The following KCNJ6 variants were observed in gnomAD, a reference collection of about 807,000 sequenced individuals.
KCNJ6 encodes potassium inwardly rectifying channel subfamily J member 6.
Under a neutral mutation model 34.2 loss-of-function variants are expected in KCNJ6, and 9 were observed. The observed-to-expected ratio is 0.26, with a 90% CI of 0.16 to 0.46. The LOEUF (loss-of-function observed/expected upper bound fraction) is 0.46, where lower values mean the gene tolerates loss of function less well. KCNJ6 is among the 20% of genes least tolerant of loss of function. The pLI is 1.00. For missense variants in KCNJ6, 236 were observed against 531.3 expected (o/e 0.44, Z 5.46); for synonymous variants, 196 against 207.1 (o/e 0.95, Z 0.46).
intron 2 of KCNJ6, among the ~76,000 whole-genome samples, chr21:37,809,605 G>A (rs993081384): frequency 1.3e-5 from 2 of 152,096 alleles, no homozygotes; most frequent in African/African-American, 4.8e-5. Context: ...GATGATGTAA[G>A]TTTGTTTGGA....
chr21:37,832,087 C>G (rs2055428847), intron 2 of KCNJ6, among the ~76,000 whole-genome samples: 2 of 151,854 alleles, frequency 1.3e-5, no homozygotes, highest in Non-Finnish European at 2.9e-5. Context: ...CTGCAGAGCT[C>G]ATTAGACAAT....
intron 1 of KCNJ6, among the ~76,000 whole-genome samples, chr21:37,861,881 C>T (rs866491441): frequency 6.6e-6 from 1 of 152,186 alleles, no homozygotes; most frequent in Non-Finnish European, 1.5e-5. Flanking sequence ...GGTGTTGATG[C>T]TGGGCCCCTG....
rs943155115 is a variant in KCNJ6, at chr21:37,608,239, C to T, written c.*16920G>A. On this transcript the variant is annotated 3_prime_UTR_variant, in exon 4 of 4. Coordinates refer to ENST00000609713, the MANE Select transcript of KCNJ6 (RefSeq NM_002240.5). Reference sequence around the variant, plus strand: ...TCCTAGGCTGGTCTAGGTACCATCCCCCAATCTTACCTTGTGTGTTTCTGT... The same window carrying T: ...TCCTAGGCTGGTCTAGGTACCATCCTCCAATCTTACCTTGTGTGTTTCTGT... 2.6e-5 allele frequency: 4 copies of T among 152,128 alleles called. No individual in the cohort carries two copies. Among genetic ancestry groups the T allele is most frequent in the African/African-American group, 9.7e-5 (4 of 41,406 alleles). The allele number at this position is 152,128 out of a possible 1,614,324, so 9.4% of individuals were successfully genotyped here. A position where few individuals can be genotyped will look rare whatever the true frequency, so the allele number is the denominator to read the frequency against.
intron 3 of KCNJ6, among the ~76,000 whole-genome samples, chr21:37,676,458 G>T (rs551158061): frequency 1.5e-4 from 23 of 152,384 alleles, no homozygotes; most frequent in African/African-American, 5.0e-4. Context: ...AAGCAATGAA[G>T]TGGACAGCCC....
At chr21:37,718,451 C>T (rs1252918829) in intron 2 of KCNJ6, among the ~76,000 whole-genome samples, 1 of 151,962 alleles carries the variant, frequency 6.6e-6, no homozygotes, top group Non-Finnish European at 1.5e-5. Flanking sequence ...AAAAGAAAGC[C>T]GAAGATGAAT....
chr21:37,791,718 A>G (rs1200244640), intron 2 of KCNJ6, among the ~76,000 whole-genome samples: 1 of 152,234 alleles, frequency 6.6e-6, no homozygotes, highest in Non-Finnish European at 1.5e-5. Context: ...TGAATAAAAT[A>G]TGCCTGCCAG....
At position 37,772,517 on chromosome 21, in the gene KCNJ6, A is replaced by G. The variant is rs79710373; in HGVS notation, c.26-57386T>C. The stretch of plus-strand genomic sequence containing the variant: ...ACTCTATAATTTTTCCAACAGTGAA[A>G]AAAGAAACTAAAGCAATGCTGTAAC... On this transcript the variant is annotated intron_variant, in intron 2 of 3. Transcript: ENST00000609713. Among the ~76,000 whole-genome samples, 613 of 152,340 alleles carry G rather than the reference A, an allele frequency of 4.0e-3. 6 individuals are homozygous for G. The highest frequency in any genetic ancestry group is 0.013 in the African/African-American group (539 of 41,588).
chr21:37,842,132 A>G (rs1347644284), intron 1 of KCNJ6, among the ~76,000 whole-genome samples: 2 of 152,178 alleles, frequency 1.3e-5, no homozygotes, highest in Non-Finnish European at 2.9e-5. Context: ...GTTATTTTAC[A>G]CTGTTGTCTT....
At chr21:37,843,883 C>T (rs532407191) in intron 1 of KCNJ6, among the ~76,000 whole-genome samples, 4 of 152,290 alleles carry the variant, frequency 2.6e-5, no homozygotes, top group Non-Finnish European at 5.9e-5. Context: ...AGTCCCAGTG[C>T]AGTGTTGAAG....
At chr21:37,698,750 G>A (rs1448898345) in intron 3 of KCNJ6, among the ~76,000 whole-genome samples, 2 of 151,060 alleles carry the variant, frequency 1.3e-5, no homozygotes, top group East Asian at 3.9e-4. Flanking sequence ...AGGATGGAGT[G>A]CAGTGGCACG....
chr21:37,747,425 G>A (rs1037735081), intron 2 of KCNJ6, among the ~76,000 whole-genome samples: 15 of 152,218 alleles, frequency 9.9e-5, no homozygotes, highest in African/African-American at 3.6e-4. Flanking sequence ...GCCTTACTAG[G>A]GAAAGGGAGG....
chr21:37,608,404 C>T lies in KCNJ6; in HGVS notation c.*16755G>A, dbSNP rs145644889. ...AATTCCTGGGCTCAAGCAATCCTCC[C>T]ACCTTGGCCTCTCAAAGTGCTGGAA... On this transcript the variant is annotated 3_prime_UTR_variant, in exon 4 of 4. Coordinates refer to ENST00000609713, the MANE Select transcript of KCNJ6 (RefSeq NM_002240.5). 6.6e-6 allele frequency: 1 copy of T among 152,354 alleles called. No homozygotes were observed. The highest frequency in any genetic ancestry group is 1.9e-4 in the East Asian group (1 of 5,178). 9.4% of individuals were successfully genotyped at this position (152,354 alleles called of 1,614,324 possible). A position where few individuals can be genotyped will look rare whatever the true frequency, so the allele number is the denominator to read the frequency against.
intron 3 of KCNJ6, among the ~76,000 whole-genome samples, chr21:37,667,366 C>A (rs2054520039): frequency 6.6e-6 from 1 of 152,076 alleles, no homozygotes; most frequent in Non-Finnish European, 1.5e-5. Flanking sequence ...CATAGGACCT[C>A]TTGTAACAAG....
intron 1 of KCNJ6, among the ~76,000 whole-genome samples, chr21:37,900,311 A>G (rs575668334): frequency 6.6e-6 from 1 of 152,348 alleles, no homozygotes; most frequent in Non-Finnish European, 1.5e-5. Flanking sequence ...ATAGGATGCT[A>G]TAAATCCACA....
chr21:37,885,324 G>T (rs2055729964), intron 1 of KCNJ6, among the ~76,000 whole-genome samples: 1 of 152,134 alleles, frequency 6.6e-6, no homozygotes, highest in Admixed American at 6.5e-5. Flanking sequence ...ATGGACACAG[G>T]TGCTTGTGTC....
At chr21:37,823,190 C>G (rs1225433143) in intron 2 of KCNJ6, among the ~76,000 whole-genome samples, 1 of 152,162 alleles carries the variant, frequency 6.6e-6, no homozygotes, top group African/African-American at 2.4e-5. Context: ...ACCCCAACAC[C>G]AGGCCAGAGC....
chr21:37,637,592 G>A lies in KCNJ6; in HGVS notation c.947-12108C>T, dbSNP rs573451542. Among the ~76,000 whole-genome samples, 5 of 152,292 alleles carry A rather than the reference G, an allele frequency of 3.3e-5. 2 individuals are homozygous for A. Among genetic ancestry groups the A allele is most frequent in the African/African-American group, 1.2e-4 (5 of 41,550 alleles). On this transcript the variant is annotated intron_variant, in intron 3 of 3. Coordinates refer to ENST00000609713, the MANE Select transcript of KCNJ6 (RefSeq NM_002240.5). ...CCTGAAACAGTCTTCTCAGACAGAT[G>A]CTATGATCTTATGTGTGAGCAAACT... is the stretch of plus-strand genomic sequence containing the variant.
intron 2 of KCNJ6, among the ~76,000 whole-genome samples, chr21:37,758,697 G>A (rs996709722): frequency 6.6e-6 from 1 of 152,278 alleles, no homozygotes; most frequent in East Asian, 1.9e-4. Context: ...CAGTGCAGTG[G>A]TGCCGTGATA....
chr21:37,769,412 T>TTTATTATTATTATTATTA (rs71198893), intron 2 of KCNJ6, among the ~76,000 whole-genome samples: 29 of 145,328 alleles, frequency 2.0e-4, no homozygotes, highest in African/African-American at 6.9e-4. Context: ...AGCCTTCAAT[T>TTTATTATTATTATTATTA]TTATTATTAT....
Sources: allele counts gnomAD v4.1 joint callset (sites outside exome capture counted in the v4.1 genomes callset), GRCh38; gene constraint gnomAD v4.1.1; transcripts MANE v1.5; gene names NCBI Gene and HGNC (gene_info 2026-07-23, HGNC 2026-07-21).